CRB1: variants seen among roughly 807,000 people sequenced by gnomAD.
CRB1 encodes protein crumbs homolog 1.
A neutral mutation model predicts 120.0 loss-of-function variants in CRB1; 83 were observed. The ratio of observed to expected loss-of-function variants is 0.69; its 90% CI spans 0.58 to 0.83. The LOEUF (loss-of-function observed/expected upper bound fraction) is 0.83. Among genes scored for constraint, CRB1 ranks in the 40% least tolerant of loss-of-function variants. The probability of loss-of-function intolerance (pLI) is 0.00; values close to 1 mark genes in which losing one functional copy is unlikely to be tolerated. For synonymous variants in CRB1, 625 were observed against 612.5 expected, an observed-to-expected ratio of 1.02 and a Z score of -0.30; for missense variants, 1,699 against 1,687.6, an observed-to-expected ratio of 1.01 and a Z score of -0.12.
At chr1:197,300,047 TTAATTGA>T (rs1350762616) in intron 1 of CRB1, among the ~76,000 whole-genome samples, 1 of 151,992 alleles carries the variant, frequency 6.6e-6, no homozygotes, top group Non-Finnish European at 1.5e-5. Context: ...GGCAACCAAC[TTAATTGA>T]TAAATGTTCA....
At chr1:197,201,802 T>A in the CRB1 span, among the ~76,000 whole-genome samples, 3 of 152,252 alleles carry the variant, frequency 2.0e-5, no homozygotes, top group South Asian at 6.2e-4. Flanking sequence ...CGTTTCGTTA[T>A]TTTTCTGACT....
chr1:197,312,771 A>G (rs551950176), intron 1 of CRB1, among the ~76,000 whole-genome samples: 11 of 152,326 alleles, frequency 7.2e-5, no homozygotes, highest in African/African-American at 2.2e-4. Context: ...GTAATATATC[A>G]ACTGCATTAA....
intron 11 of CRB1, among the ~76,000 whole-genome samples, chr1:197,454,785 A>G (rs957998576): frequency 1.3e-5 from 2 of 152,168 alleles, no homozygotes; most frequent in African/African-American, 4.8e-5. Flanking sequence ...TTGGTACGAT[A>G]CTGGACTTAC....
intron 1 of CRB1, among the ~76,000 whole-genome samples, chr1:197,288,000 A>G (rs1367774736): frequency 6.6e-6 from 1 of 151,900 alleles, no homozygotes; most frequent in East Asian, 2.0e-4. Context: ...TATTGCTTGA[A>G]CTTACTACCA....
intron 1 of CRB1, among the ~76,000 whole-genome samples, chr1:197,291,428 A>T (rs1656175212): frequency 6.6e-6 from 1 of 151,802 alleles, no homozygotes; most frequent in South Asian, 2.1e-4. Context: ...AGTTGGTTAC[A>T]TGTTTTATCA....
At chr1:197,213,941 TA>T in the CRB1 span, among the ~76,000 whole-genome samples, 1 of 151,710 alleles carries the variant, frequency 6.6e-6, no homozygotes, top group African/African-American at 2.4e-5. Flanking sequence ...AACTCTCAAA[TA>T]AACAATCTAA....
chr1:197,429,023 C>T, intron 7 of CRB1: 2 of 1,506,716 alleles, frequency 1.3e-6, no homozygotes. Context: ...TCCAGAGGAC[C>T]TAAGTACCAA....
At chr1:197,209,717 T>C in the CRB1 span, among the ~76,000 whole-genome samples, 12 of 152,134 alleles carry the variant, frequency 7.9e-5, no homozygotes, top group Admixed American at 5.9e-4. Context: ...AAGTCAGAAA[T>C]GGCTTCCCTG....
intron 2 of CRB1, among the ~76,000 whole-genome samples, chr1:197,336,557 C>T (rs1659166981): frequency 6.6e-6 from 1 of 152,150 alleles, no homozygotes; most frequent in Non-Finnish European, 1.5e-5. Context: ...TTGCTCAGAA[C>T]TAGAGTCATT....
chr1:197,279,372 C>T (rs1273755078), intron 1 of CRB1, among the ~76,000 whole-genome samples: 4 of 151,810 alleles, frequency 2.6e-5, no homozygotes, highest in Non-Finnish European at 5.9e-5. Context: ...ACAGCCTACT[C>T]ATTATAGTAT....
chr1:197,442,100 C>A (rs1665472883), intron 10 of CRB1, 66 bp from the exon 11 acceptor site: 2 of 1,608,724 alleles, frequency 1.2e-6, no homozygotes, highest in Non-Finnish European at 1.7e-6. Flanking sequence ...CAAACTTTTT[C>A]TTCCCATTTC....
At chr1:197,278,120 G>A (rs1427355146) in intron 1 of CRB1, among the ~76,000 whole-genome samples, 2 of 151,888 alleles carry the variant, frequency 1.3e-5, no homozygotes, top group Admixed American at 1.3e-4. Flanking sequence ...ATGAACATAT[G>A]TATATTGAAG....
intron 5 of CRB1, among the ~76,000 whole-genome samples, chr1:197,398,935 T>TGTGTGTGTG: frequency 7.1e-6 from 1 of 141,494 alleles, no homozygotes; most frequent in South Asian, 2.4e-4. Context: ...TGTGTGTGTG[T>TGTGTGTGTG]AATATGCAGA....
chr1:197,211,898 CT>C, the CRB1 span, among the ~76,000 whole-genome samples: 2 of 151,530 alleles, frequency 1.3e-5, no homozygotes, highest in Non-Finnish European at 2.9e-5. Context: ...TGGCAAAGAA[CT>C]TACATCTAGA....
the CRB1 span, among the ~76,000 whole-genome samples, chr1:197,206,034 T>C: frequency 6.6e-6 from 1 of 152,090 alleles, no homozygotes; most frequent in Non-Finnish European, 1.5e-5. Context: ...TTTTCTAGTT[T>C]ATGCACATAA....
At chr1:197,221,066 C>A in the CRB1 span, among the ~76,000 whole-genome samples, 3 of 152,290 alleles carry the variant, frequency 2.0e-5, no homozygotes, top group African/African-American at 7.2e-5. Flanking sequence ...AAAAGGTAGT[C>A]ACAGACTACG....
At chr1:197,259,040 G>A in the CRB1 span, among the ~76,000 whole-genome samples, 438 of 152,278 alleles carry the variant, frequency 2.9e-3, 8 homozygotes, top group Middle Eastern at 0.017. Context: ...AGATGCTGGC[G>A]AGGTTGTGGA....
chr1:197,326,168 G>C (rs938549148), intron 1 of CRB1, among the ~76,000 whole-genome samples: 9 of 152,172 alleles, frequency 5.9e-5, no homozygotes, highest in African/African-American at 2.2e-4. Context: ...GGCTTTGACA[G>C]TTAATACTCA....
At chr1:197,412,749 A>G (rs900333887) in intron 5 of CRB1, among the ~76,000 whole-genome samples, 1 of 152,204 alleles carries the variant, frequency 6.6e-6, no homozygotes, top group African/African-American at 2.4e-5. Context: ...TTTCTTCACT[A>G]TCATATCTCC....
Sources: gnomAD v4.1 joint callset for allele counts (sites outside exome capture counted in the v4.1 genomes callset) on GRCh38, gnomAD v4.1.1 for gene constraint, MANE v1.5 for transcripts, NCBI Gene and HGNC (gene_info 2026-07-23, HGNC 2026-07-21) for gene names.